SMAP1: variants seen among roughly 807,000 people sequenced by gnomAD.
SMAP1 encodes small ArfGAP 1, also known as stromal membrane-associated protein 1.
A neutral mutation model predicts 58.5 loss-of-function variants in SMAP1; 24 were observed. The observed-to-expected ratio is 0.41, with a 90% CI of 0.30 to 0.58. SMAP1 has a LOEUF of 0.58. Ranked by LOEUF, SMAP1 falls within the 20% of genes least tolerant of loss-of-function variation. The pLI is 0.29. For missense variants in SMAP1, 563 were observed against 566.3 expected (o/e 0.99, Z 0.06); for synonymous variants, 216 against 196.6 (o/e 1.10, Z -0.82).
At chr6:70,765,612 A>G (rs1006892490) in intron 3 of SMAP1, among the ~76,000 whole-genome samples, 5 of 152,216 alleles carry the variant, frequency 3.3e-5, no homozygotes, top group Non-Finnish European at 7.3e-5. Context: ...TTGAAAAACA[A>G]CAAATATGAT....
intron 5 of SMAP1, among the ~76,000 whole-genome samples, chr6:70,793,437 T>A (rs1327290135): frequency 2.0e-5 from 3 of 152,104 alleles, no homozygotes; most frequent in Non-Finnish European, 4.4e-5. Flanking sequence ...CCAGTTTCTA[T>A]CTTGAACATC....
chr6:70,791,973 T>C (rs577082965), intron 5 of SMAP1, among the ~76,000 whole-genome samples: 2 of 152,288 alleles, frequency 1.3e-5, no homozygotes, highest in South Asian at 4.1e-4. Context: ...GAATGACTGA[T>C]TTATTGGTGC....
chr6:70,839,397 G>T (rs1223171835), intron 7 of SMAP1, among the ~76,000 whole-genome samples: 1 of 152,170 alleles, frequency 6.6e-6, no homozygotes, highest in African/African-American at 2.4e-5. Context: ...GTCAGCTCTT[G>T]CTGTGTGTGT....
chr6:70,703,034 G>A (rs560054260), intron 1 of SMAP1, among the ~76,000 whole-genome samples: 3 of 151,922 alleles, frequency 2.0e-5, no homozygotes, highest in Non-Finnish European at 2.9e-5. Context: ...GGTTTGTTTC[G>A]ATTGATTGAC....
chr6:70,688,019 A>G (rs929565534), intron 1 of SMAP1, among the ~76,000 whole-genome samples: 6 of 152,094 alleles, frequency 3.9e-5, no homozygotes, highest in Admixed American at 6.6e-5. Flanking sequence ...CACTTCCAAA[A>G]TTTTGCCATT....
At chr6:70,764,055 C>T (rs1487432571) in intron 3 of SMAP1, among the ~76,000 whole-genome samples, 2 of 151,878 alleles carry the variant, frequency 1.3e-5, no homozygotes, top group Non-Finnish European at 2.9e-5. Flanking sequence ...TGGAACTACA[C>T]ATGCACACTA....
intron 9 of SMAP1, chr6:70,857,638 T>C (rs1489483855): frequency 2.4e-6 from 1 of 417,364 alleles, no homozygotes; most frequent in African/African-American, 2.0e-5. Context: ...GATGTCATGC[T>C]ACATAGTTTG....
intron 4 of SMAP1, among the ~76,000 whole-genome samples, chr6:70,783,639 G>A (rs971919174): frequency 6.6e-6 from 1 of 152,180 alleles, no homozygotes; most frequent in Non-Finnish European, 1.5e-5. Flanking sequence ...CAAGGCTCAA[G>A]AACTACATGA....
At chr6:70,841,927 T>C (rs771722469) in intron 7 of SMAP1, among the ~76,000 whole-genome samples, 21 of 152,216 alleles carry the variant, frequency 1.4e-4, no homozygotes, top group South Asian at 2.1e-4. Flanking sequence ...GAGAAATTTC[T>C]AGCCATTTCT....
intron 4 of SMAP1, among the ~76,000 whole-genome samples, chr6:70,791,072 C>G (rs917843736): frequency 2.6e-5 from 4 of 152,118 alleles, no homozygotes; most frequent in African/African-American, 9.7e-5. Flanking sequence ...GCAAGTATAG[C>G]ACTGGAAATG....
intron 1 of SMAP1, among the ~76,000 whole-genome samples, chr6:70,689,440 A>G (rs1767066841): frequency 6.6e-6 from 1 of 152,212 alleles, no homozygotes; most frequent in East Asian, 1.9e-4. Context: ...GTCTGCCTTT[A>G]TGCCAATGTT....
At chr6:70,799,668 A>C (rs1246407353) in intron 6 of SMAP1, among the ~76,000 whole-genome samples, 1 of 152,220 alleles carries the variant, frequency 6.6e-6, no homozygotes, top group East Asian at 1.9e-4. Context: ...TATATAAGAA[A>C]GAAGATCCAT....
chr6:70,669,215 C>G (rs1766163738), intron 1 of SMAP1, among the ~76,000 whole-genome samples: 1 of 152,014 alleles, frequency 6.6e-6, no homozygotes, highest in Non-Finnish European at 1.5e-5. Context: ...TTCTCTAAAG[C>G]AGGAGACAGT....
At chr6:70,674,186 C>T (rs1483977521) in intron 1 of SMAP1, among the ~76,000 whole-genome samples, 1 of 151,340 alleles carries the variant, frequency 6.6e-6, no homozygotes, top group Non-Finnish European at 1.5e-5. Context: ...GATGTAGGCT[C>T]TCTGCAACCT....
At chr6:70,814,628 G>A (rs560529637) in intron 6 of SMAP1, among the ~76,000 whole-genome samples, 17 of 152,000 alleles carry the variant, frequency 1.1e-4, no homozygotes, top group South Asian at 4.2e-4. Flanking sequence ...ATCTGATTTC[G>A]TCCTGCCTAC....
chr6:70,793,103 C>T lies in SMAP1; in HGVS notation c.495+1334C>T, dbSNP rs562334094. 1.1e-3 allele frequency among the ~76,000 whole-genome samples: 167 copies of T among 152,180 alleles called. 2 individuals carry two copies. The highest frequency in any genetic ancestry group is 2.0e-3 in the Non-Finnish European group (135 of 68,014). On this transcript the variant is annotated intron_variant, in intron 5 of 10. Coordinates refer to ENST00000370455, the MANE Select transcript of SMAP1 (RefSeq NM_001044305.3). Reference sequence around the variant, plus strand: ...AGGCTGGACTGCAGTGGCGCGATCTCGGCTTACTGCAGCCTCCATCACCTG... The same window carrying T: ...AGGCTGGACTGCAGTGGCGCGATCTTGGCTTACTGCAGCCTCCATCACCTG...
intron 4 of SMAP1, among the ~76,000 whole-genome samples, chr6:70,785,975 C>CA (rs199925740): frequency 0.13 from 19,962 of 152,150 alleles, 1,617 homozygotes; most frequent in East Asian, 0.21. Context: ...ATCCTGATAC[C>CA]AAAGCCTGAC....
chr6:70,758,871 A>G (rs1303707448), intron 3 of SMAP1, among the ~76,000 whole-genome samples: 1 of 152,084 alleles, frequency 6.6e-6, no homozygotes, highest in African/African-American at 2.4e-5. Context: ...TACCAGCAGG[A>G]GGATTAAGAG....
chr6:70,768,243 A>G (rs968492871), intron 3 of SMAP1, among the ~76,000 whole-genome samples: 8 of 152,200 alleles, frequency 5.3e-5, no homozygotes, highest in Admixed American at 1.3e-4. Context: ...AGGCTTTGGT[A>G]TCAGGATGAT....
Sources: allele counts gnomAD v4.1 joint callset (sites outside exome capture counted in the v4.1 genomes callset), GRCh38; gene constraint gnomAD v4.1.1; transcripts MANE v1.5; gene names NCBI Gene and HGNC (gene_info 2026-07-23, HGNC 2026-07-21).